The following CCDC197 variants were observed in gnomAD, a reference collection of about 807,000 sequenced individuals.
CCDC197 encodes uncharacterized protein CCDC197.
Under a neutral mutation model 13.4 loss-of-function variants are expected in CCDC197, and 24 were observed. The ratio of observed to expected loss-of-function variants is 1.80; its 90% confidence interval spans 1.30 to 2.53. The LOEUF (loss-of-function observed/expected upper bound fraction) is 2.53, where lower values mean the gene tolerates loss of function less well. Among genes scored for constraint, CCDC197 ranks in the 30% most tolerant of loss-of-function variants. The pLI, the probability that CCDC197 is intolerant of heterozygous loss-of-function variation, is 0.00. For missense variants in CCDC197, 255 were observed against 148.8 expected (o/e 1.71, Z -3.71); for synonymous variants, 99 against 55.5 (o/e 1.78, Z -3.48).
At position 93,998,205 on chromosome 14, in the gene CCDC197, T is replaced by G; in HGVS notation, c.74T>G (p.Leu25Arg). The change falls in exon 2 of 7, where the codon CTG (leucine) becomes CGG (arginine). Residue 25 changes from leucine (L) to arginine (R), a missense_variant. Coordinates refer to ENST00000636493, the MANE Select transcript of CCDC197 (RefSeq NM_001351596.2). ...PGDKEGDLQGLWQELYQLQAK... is the reference protein window; with the variant it reads ...PGDKEGDLQGRWQELYQLQAK... ...GACAAGGAAGGGGACCTTCAAGGGC[T>G]GTGGCAGGAACTCTACCAGCTCCAG... 1 of 780,592 alleles carries G rather than the reference T, an allele frequency of 1.3e-6. No homozygotes were observed. The highest frequency in any genetic ancestry group is 2.4e-6 in the Non-Finnish European group (1 of 418,120). The allele number at this position is 780,592 out of a possible 1,614,324, so 48.4% of individuals were successfully genotyped here.
downstream of CCDC197, among the ~76,000 whole-genome samples, chr14:94,009,729 T>TA (rs935758762): frequency 1.1e-4 from 16 of 151,814 alleles, no homozygotes; most frequent in African/African-American, 2.4e-4. Context: ...ACCCTGTCTT[T>TA]AAAAAAAACA....
rs1595353121 is a variant in CCDC197 at position 94,000,977 on chromosome 14, G to T, written c.188-168G>T. ...GAGGGGGCGGGAGGGCGGGGGGGCG[G>T]GTGTGGATGGCAAGCCCGGGACCAT... is the stretch of plus-strand genomic sequence containing the variant. On this transcript the variant is annotated intron_variant, in intron 3 of 6. Transcript: ENST00000636493. The T allele has an allele frequency of 8.7e-6, 4 of 461,086 alleles. No individual in the cohort carries two copies. In the East Asian group the frequency reaches 1.1e-4, roughly 13 times the overall value. 28.6% of individuals were successfully genotyped at this position (461,086 alleles called of 1,614,324 possible).
intron 4 of CCDC197, among the ~76,000 whole-genome samples, chr14:94,002,403 C>T (rs1286069534): frequency 6.6e-6 from 1 of 152,148 alleles, no homozygotes; most frequent in African/African-American, 2.4e-5. Flanking sequence ...ATTTTCCTGC[C>T]TCTGCCTTCC....
At chr14:93,994,771 C>T (rs922323761), upstream of CCDC197, among the ~76,000 whole-genome samples, 1 of 152,154 alleles carries the variant, frequency 6.6e-6, no homozygotes, top group African/African-American at 2.4e-5. Flanking sequence ...GAGGGTCTGG[C>T]GAGCCTTCTC....
In CCDC197 at chr14:93,999,665, G is replaced by GTA. The variant is rs748777471; in HGVS notation, c.187_187+1insTA (p.Gly63ValfsTer18). On this transcript the variant is annotated frameshift_variant and splice_region_variant. Coordinates refer to ENST00000636493, the MANE Select transcript of CCDC197 (RefSeq NM_001351596.2). LOFTEE classifies it high-confidence loss of function. ...TAAGGTCCTTGAGAAAATCCCCGAG[G>GTA]GTATGTACACAGCTTCCTCGGAAAG... 1.3e-6 allele frequency: 1 copy of GTA among 780,854 alleles called. No homozygotes were observed. The highest frequency in any genetic ancestry group is 2.4e-6 in the Non-Finnish European group (1 of 418,112). The allele number at this position is 780,854 out of a possible 1,614,324, so 48.4% of individuals were successfully genotyped here.
upstream of CCDC197, among the ~76,000 whole-genome samples, chr14:93,995,956 C>A (rs1056044620): frequency 1.3e-5 from 2 of 152,234 alleles, no homozygotes; most frequent in Non-Finnish European, 2.9e-5. Context: ...TTTGAAGGCG[C>A]TGCCTACGGT....
At chr14:93,988,781 A>C (rs1890157148) in intron 1 of CCDC197, among the ~76,000 whole-genome samples, 1 of 96,080 alleles carries the variant, frequency 1.0e-5, no homozygotes, top group Non-Finnish European at 2.0e-5. Context: ...GAATGGGAGA[A>C]GGGGATGGGA....
chr14:93,992,867 C>CT (rs1478502587), upstream of CCDC197, among the ~76,000 whole-genome samples: 1 of 152,126 alleles, frequency 6.6e-6, no homozygotes, highest in Non-Finnish European at 1.5e-5. Flanking sequence ...CTGGGCCAGG[C>CT]TGAGGGCCTC....
chr14:93,998,044 C>T lies in CCDC197; in HGVS notation c.-88C>T, dbSNP rs1273197525. 6 of 737,682 alleles carry T rather than the reference C, an allele frequency of 8.1e-6. No homozygotes were observed. Among genetic ancestry groups the T allele is most frequent in the Admixed American group, 5.5e-5 (3 of 54,570 alleles). 45.7% of individuals were successfully genotyped at this position (737,682 alleles called of 1,614,324 possible). ...TTCCAAGGATCTGAAGAGGAAGCTG[C>T]GGCTGTGACTGTCCCTTTTCGGTCT... On this transcript the variant is annotated 5_prime_UTR_variant, in exon 2 of 7. Transcript: ENST00000636493.
chr14:94,006,430 A>G (rs1890681615), intron 6 of CCDC197, among the ~76,000 whole-genome samples: 1 of 150,954 alleles, frequency 6.6e-6, no homozygotes, highest in Non-Finnish European at 1.5e-5. Context: ...CGCTCGGCTC[A>G]CTGCAACCTC....
Position 93,998,288 on chromosome 14 carries a change from G to C in CCDC197, c.104+53G>C, listed in dbSNP as rs1442180749. The C allele has an allele frequency of 1.5e-5, 11 of 750,060 alleles. No individual in the cohort carries two copies. The Admixed American group carries it at 2.0e-4, about 14-fold the overall frequency. The allele number at this position is 750,060 out of a possible 1,614,324, so 46.5% of individuals were successfully genotyped here. A position where few individuals can be genotyped will look rare whatever the true frequency, so the allele number is the denominator to read the frequency against. On this transcript the variant is annotated intron_variant, in intron 2 of 6. Transcript: ENST00000636493. ...CCCCAGCCCCAGTGCTTCCCCAGTGGGCTAAGTGGCTGGACTTAGCAAACA... is the reference window on the plus strand; with the variant it reads ...CCCCAGCCCCAGTGCTTCCCCAGTGCGCTAAGTGGCTGGACTTAGCAAACA...
chr14:94,004,740 C>T, intron 5 of CCDC197, 115 bp from the exon 6 acceptor site: 1 of 625,712 alleles, frequency 1.6e-6, no homozygotes, highest in South Asian at 1.9e-5. Context: ...GAGAAGGACA[C>T]TCCCAGTGTC....
At position 94,003,728 on chromosome 14, in the gene CCDC197, C is replaced by T. The variant is rs1206234632; in HGVS notation, c.498+374C>T. ...ACAGACACACACACAGACAGACCCA[C>T]ACCACTTTCTTCTCCTTGGTGACAG... On this transcript the variant is annotated intron_variant, in intron 5 of 6. Coordinates refer to ENST00000636493, the MANE Select transcript of CCDC197 (RefSeq NM_001351596.2). The surrounding 1 kb of genome is among the most constrained non-coding windows in gnomAD (Gnocchi z 5.0). 6.6e-6 allele frequency among the ~76,000 whole-genome samples: 1 copy of T among 152,136 alleles called. No individual in the cohort carries two copies. Among genetic ancestry groups the T allele is most frequent in the African/African-American group, 2.4e-5 (1 of 41,432 alleles).
rs771453054 is a variant in CCDC197 at position 93,999,683 on chromosome 14, T to TC, written c.187+19dup. On this transcript the variant is annotated intron_variant, in intron 3 of 6. Transcript: ENST00000636493. ...CCCCGAGGGTATGTACACAGCTTCC[T>TC]CGGAAAGCCCTTTCTCTCCACAGCC... The TC allele has an allele frequency of 5.1e-6, 4 of 780,562 alleles. No individual in the cohort carries two copies. In the African/African-American group the frequency reaches 6.8e-5, roughly 13 times the overall value. The allele number at this position is 780,562 out of a possible 1,614,324, so 48.4% of individuals were successfully genotyped here.
chr14:93,999,390 T>G (rs1890419865), intron 2 of CCDC197, 193 bp from the exon 3 acceptor site: 2 of 574,284 alleles, frequency 3.5e-6, no homozygotes, highest in South Asian at 4.3e-5. Flanking sequence ...TTGATCTGCT[T>G]GTGGCTCAGT....
Position 94,003,265 on chromosome 14 carries a change from C to CG in CCDC197, c.410dup (p.Lys138GlnfsTer19), listed in dbSNP as rs1567043930. The CG allele has an allele frequency of 1.3e-6, 1 of 780,940 alleles. No individual in the cohort carries two copies. The allele number at this position is 780,940 out of a possible 1,614,324, so 48.4% of individuals were successfully genotyped here. ...GTGTCAGCTGCAGAAGAAGTGCTAC[C>CG]GCAAGCAGGAGCAGTGGTGGCAGCT... On this transcript the variant is annotated frameshift_variant, in exon 5 of 7. Transcript: ENST00000636493. LOFTEE classifies it high-confidence loss of function. The surrounding 1 kb of genome is among the most constrained non-coding windows in gnomAD (Gnocchi z 5.0).
intron 1 of CCDC197, among the ~76,000 whole-genome samples, chr14:93,988,918 G>A (rs1380828981): frequency 1.4e-5 from 2 of 144,152 alleles, no homozygotes; most frequent in Non-Finnish European, 3.1e-5. Context: ...AGGGATTGGA[G>A]GAGGGAATGG....
At chr14:93,999,442 A>G (rs1388074814) in intron 2 of CCDC197, 141 bp from the exon 3 acceptor site, 2 of 639,776 alleles carry the variant, frequency 3.1e-6, no homozygotes, top group Non-Finnish European at 5.6e-6. Flanking sequence ...TCCTAAGTCT[A>G]TGGCCAACTG....
downstream of CCDC197, chr14:94,008,893 A>C: frequency 1.6e-6 from 1 of 642,030 alleles, no homozygotes; most frequent in Non-Finnish European, 2.9e-6. Context: ...CAACATCTCT[A>C]AGCCAGTGGG....
Sources: gnomAD v4.1 joint callset for allele counts (sites outside exome capture counted in the v4.1 genomes callset) on GRCh38, gnomAD v4.1.1 for gene constraint, Gnocchi (gnomAD v3.1) non-coding constraint, MANE v1.5 for transcripts, NCBI Gene and HGNC (gene_info 2026-07-23, HGNC 2026-07-21) for gene names.